Variants in RBMS3 observed in about 807,000 individuals in gnomAD.
The protein encoded by RBMS3 is RNA-binding motif, single-stranded-interacting protein 3.
Under a neutral mutation model 66.8 loss-of-function variants are expected in RBMS3, and 27 were observed. The ratio of observed to expected loss-of-function variants is 0.40; its 90% CI spans 0.30 to 0.56. The LOEUF (loss-of-function observed/expected upper bound fraction) is 0.56, where lower values mean the gene tolerates loss of function less well. Ranked by LOEUF, RBMS3 falls within the 20% of genes least tolerant of loss-of-function variation. The pLI is 0.40. For missense variants in RBMS3, 513 were observed against 549.5 expected (o/e 0.93, Z 0.66); for synonymous variants, 188 against 183.0 (o/e 1.03, Z -0.22).
At chr3:29,611,078 A>T (rs2048478012) in intron 4 of RBMS3, among the ~76,000 whole-genome samples, 1 of 152,012 alleles carries the variant, frequency 6.6e-6, no homozygotes, top group Non-Finnish European at 1.5e-5. Flanking sequence ...GCCAAACATG[A>T]ATTAGAATGC....
At position 29,376,244 on chromosome 3, in the gene RBMS3, T is replaced by C. The variant is rs2038457331; in HGVS notation, c.76-58499T>C. On this transcript the variant is annotated intron_variant, in intron 1 of 14. Coordinates refer to ENST00000383767, the MANE Select transcript of RBMS3 (RefSeq NM_001003793.3). ...ATCAGGAAGAATAGCTAATGGATAG[T>C]GGCCTTAATACCTAAGTGATGGGAT... is the stretch of plus-strand genomic sequence containing the variant. 2.6e-5 allele frequency among the ~76,000 whole-genome samples: 4 copies of C among 152,042 alleles called. No homozygotes were observed. The South Asian group carries it at 8.3e-4, about 32-fold the overall frequency.
intron 1 of RBMS3, among the ~76,000 whole-genome samples, chr3:29,364,752 T>TAATA (rs2125588842): frequency 6.6e-6 from 1 of 152,300 alleles, no homozygotes; most frequent in South Asian, 2.1e-4. Context: ...GTCATTAGAA[T>TAATA]AATAAATTAA....
At chr3:29,664,797 G>C (rs1360046510) in intron 4 of RBMS3, among the ~76,000 whole-genome samples, 2 of 152,060 alleles carry the variant, frequency 1.3e-5, no homozygotes, top group Admixed American at 1.3e-4. Context: ...GTGGGTTGAA[G>C]CATAGTTTAG....
At chr3:29,778,268 A>G (rs1410570983) in intron 6 of RBMS3, among the ~76,000 whole-genome samples, 1 of 151,672 alleles carries the variant, frequency 6.6e-6, no homozygotes, top group Non-Finnish European at 1.5e-5. Flanking sequence ...TGCTTTCTGC[A>G]TATGTGTCTT....
intron 4 of RBMS3, among the ~76,000 whole-genome samples, chr3:29,736,558 A>AG (rs144074676): frequency 0.24 from 35,898 of 152,078 alleles, 4,479 homozygotes; most frequent in South Asian, 0.3. Flanking sequence ...TCAAGGGCAA[A>AG]GGGGTATTGA....
At chr3:29,969,841 T>C (rs1241507459) in intron 12 of RBMS3, among the ~76,000 whole-genome samples, 1 of 152,180 alleles carries the variant, frequency 6.6e-6, no homozygotes, top group Non-Finnish European at 1.5e-5. Flanking sequence ...CAAATAGAAG[T>C]TCACCCTTGT....
intron 5 of RBMS3, 108 bp downstream of exon 5, chr3:29,739,985 A>AAT (rs2054564985): frequency 8.3e-6 from 8 of 969,004 alleles, no homozygotes. Context: ...AAAAAAAAAA[A>AAT]AAAAATTAAA....
intron 3 of RBMS3, among the ~76,000 whole-genome samples, chr3:29,546,108 TTGTG>T (rs71091070): frequency 0.048 from 7,075 of 145,914 alleles, 225 homozygotes; most frequent in African/African-American, 0.098. Flanking sequence ...TGAGACGGGT[TTGTG>T]TGTGTGTGTG....
At chr3:29,708,953 A>T (rs2053032931) in intron 4 of RBMS3, among the ~76,000 whole-genome samples, 1 of 152,162 alleles carries the variant, frequency 6.6e-6, no homozygotes, top group South Asian at 2.1e-4. Context: ...GGGGTAGGCC[A>T]TATCCAACAA....
At chr3:29,803,267 T>A (rs968086585) in intron 6 of RBMS3, among the ~76,000 whole-genome samples, 1 of 152,174 alleles carries the variant, frequency 6.6e-6, no homozygotes, top group Non-Finnish European at 1.5e-5. Flanking sequence ...ACCTGCATAA[T>A]GTATGATAAT....
At chr3:29,451,566 T>C (rs1022376684) in intron 2 of RBMS3, among the ~76,000 whole-genome samples, 2 of 151,400 alleles carry the variant, frequency 1.3e-5, no homozygotes, top group Non-Finnish European at 2.9e-5. Flanking sequence ...CTTATGAGGA[T>C]TTTGTGGTTT....
chr3:29,934,992 T>C (rs2061229089), intron 10 of RBMS3, among the ~76,000 whole-genome samples: 1 of 152,116 alleles, frequency 6.6e-6, no homozygotes, highest in Admixed American at 6.6e-5. Flanking sequence ...AGAAAAATAA[T>C]GTTTAGGGAA....
intron 12 of RBMS3, among the ~76,000 whole-genome samples, chr3:29,963,827 C>T (rs57099858): frequency 9.3e-4 from 30 of 32,298 alleles, no homozygotes; most frequent in African/African-American, 2.3e-3. Flanking sequence ...GCTGCCCCCT[C>T]CAAAAAAAAA....
intron 2 of RBMS3, among the ~76,000 whole-genome samples, chr3:29,477,640 T>A (rs1420821464): frequency 3.3e-5 from 5 of 151,124 alleles, no homozygotes; most frequent in Non-Finnish European, 7.4e-5. Context: ...ATGCCCAAAA[T>A]CCTATTGGAT....
At position 29,784,831 on chromosome 3, in the gene RBMS3, T is replaced by C. The variant is rs537981034; in HGVS notation, c.637+21842T>C. Among the ~76,000 whole-genome samples, 4 of 151,932 alleles carry C rather than the reference T, an allele frequency of 2.6e-5. No individual in the cohort carries two copies. In the South Asian group the frequency reaches 6.2e-4, roughly 24 times the overall value. ...AGAGAGCAAATCCAAATAACCTCAT[T>C]AAGAAACAAAATGGGAGATATTACA... On this transcript the variant is annotated intron_variant, in intron 6 of 14. Coordinates refer to ENST00000383767, the MANE Select transcript of RBMS3 (RefSeq NM_001003793.3).
At chr3:29,999,821 A>G (rs1472973957) in intron 14 of RBMS3, among the ~76,000 whole-genome samples, 2 of 152,074 alleles carry the variant, frequency 1.3e-5, no homozygotes, top group Non-Finnish European at 2.9e-5. Flanking sequence ...TGATGAGTTA[A>G]TGGGTGCAGC....
chr3:29,929,224 C>G (rs2061039182), intron 10 of RBMS3, among the ~76,000 whole-genome samples: 1 of 152,102 alleles, frequency 6.6e-6, no homozygotes, highest in Non-Finnish European at 1.5e-5. Flanking sequence ...TTCAACTCTC[C>G]CTCAATAATG....
chr3:29,536,558 T>G (rs2045565119), intron 3 of RBMS3, among the ~76,000 whole-genome samples: 1 of 152,200 alleles, frequency 6.6e-6, no homozygotes, highest in Non-Finnish European at 1.5e-5. Flanking sequence ...TCTATTTCTC[T>G]ACCATAACCT....
At chr3:29,884,853 T>TA (rs1559767835) in intron 8 of RBMS3, among the ~76,000 whole-genome samples, 2 of 151,980 alleles carry the variant, frequency 1.3e-5, no homozygotes, top group Non-Finnish European at 2.9e-5. Flanking sequence ...GGCTGTCTTG[T>TA]AATTGACAAT....
Sources: gnomAD v4.1 joint callset for allele counts (sites outside exome capture counted in the v4.1 genomes callset) on GRCh38, gnomAD v4.1.1 for gene constraint, MANE v1.5 for transcripts, NCBI Gene and HGNC (gene_info 2026-07-23, HGNC 2026-07-21) for gene names.